SLC23A2: variants seen among roughly 807,000 people sequenced by gnomAD.
SLC23A2 encodes Na(+)/L-ascorbic acid transporter 2.
In SLC23A2, 36 loss-of-function variants were observed where a neutral mutation model predicts 73.3. The ratio of observed to expected loss-of-function variants is 0.49; its 90% CI spans 0.38 to 0.65. The LOEUF (loss-of-function observed/expected upper bound fraction) is 0.65. Ranked by LOEUF, SLC23A2 falls within the 30% of genes least tolerant of loss-of-function variation. The probability of loss-of-function intolerance (pLI) is 0.00; values close to 1 mark genes in which losing one functional copy is unlikely to be tolerated. For missense variants in SLC23A2, 507 were observed against 841.6 expected (o/e 0.60, Z 4.92); for synonymous variants, 343 against 327.3 (o/e 1.05, Z -0.52).
Position 4,874,136 on chromosome 20 carries a change from C to T in SLC23A2, c.946-44G>A, listed in dbSNP as rs763931092. ...AGCTCTGTCAGGCCAGCAGGGCTCA[C>T]AGGTGTTGGCAAAAAACACGTCTTC... On this transcript the variant is annotated intron_variant, in intron 10 of 16. Coordinates refer to ENST00000338244, the MANE Select transcript of SLC23A2 (RefSeq NM_005116.6). The T allele has an allele frequency of 4.4e-6, 7 of 1,582,342 alleles. No homozygotes were observed. The East Asian group carries it at 1.6e-4, about 35-fold the overall frequency.
chr20:4,928,372 A>C (rs1966240108), intron 3 of SLC23A2, among the ~76,000 whole-genome samples: 1 of 152,030 alleles, frequency 6.6e-6, no homozygotes, highest in African/African-American at 2.4e-5. Flanking sequence ...ACTATCCACA[A>C]CCCAAAACTC....
intron 3 of SLC23A2, among the ~76,000 whole-genome samples, chr20:4,915,115 G>C (rs1776970): frequency 0.092 from 13,942 of 151,888 alleles, 784 homozygotes; most frequent in African/African-American, 0.15. Flanking sequence ...AATAAGCCTA[G>C]AATTATCCCA....
At chr20:4,903,367 G>A (rs1050179471) in intron 4 of SLC23A2, among the ~76,000 whole-genome samples, 8 of 152,182 alleles carry the variant, frequency 5.3e-5, no homozygotes, top group East Asian at 3.9e-4. Context: ...AGGTAGCCCC[G>A]AGTTCCCCAG....
At chr20:4,983,572 GGC>G (rs1292299433) in intron 1 of SLC23A2, among the ~76,000 whole-genome samples, 1 of 151,584 alleles carries the variant, frequency 6.6e-6, no homozygotes, top group Non-Finnish European at 1.5e-5. Context: ...TGTGAACCCG[GGC>G]AGCGGAGTTT....
rs1007822391 is a variant in SLC23A2 at position 4,895,617 on chromosome 20, C to T, written c.482+3938G>A. The stretch of plus-strand genomic sequence containing the variant: ...CCTTCTTTCATTTTCACAAAGGAAA[C>T]GGGGCTCGAGGGGTCACTTGTCCAA... On this transcript the variant is annotated intron_variant, in intron 6 of 16. Coordinates refer to ENST00000338244, the MANE Select transcript of SLC23A2 (RefSeq NM_005116.6). Among the ~76,000 whole-genome samples the T allele has an allele frequency of 2.6e-5, 4 of 152,162 alleles. No homozygotes were observed. The East Asian group carries it at 5.8e-4, about 22-fold the overall frequency.
At position 4,862,027 on chromosome 20, in the gene SLC23A2, C is replaced by A; in HGVS notation, c.1545G>T (p.Arg515=). 6.2e-7 allele frequency: 1 copy of A among 1,614,118 alleles called. No individual in the cohort carries two copies. The highest frequency in any genetic ancestry group is 8.5e-7 in the Non-Finnish European group (1 of 1,179,980). Residue 515 remains arginine (R), a synonymous_variant, in exon 15 of 17, where the codon CGG becomes CGT. Coordinates refer to ENST00000338244, the MANE Select transcript of SLC23A2 (RefSeq NM_005116.6). This position sits in a 1 kb window ranked among gnomAD's most constrained non-coding sequence, Gnocchi z 5.1. ...TCGAAAATCCAAGCACAAAGAGGTT[C>A]CGGGAAGAATTTAAATCAATGAACT... ...NLQFIDLNSS[R]NLFVLGFSIF... is the part of the protein sequence containing the mutation.
At chr20:4,927,271 C>A (rs1932706290) in intron 3 of SLC23A2, among the ~76,000 whole-genome samples, 1 of 152,198 alleles carries the variant, frequency 6.6e-6, no homozygotes, top group African/African-American at 2.4e-5. Flanking sequence ...AAAGATAAAA[C>A]CCAGAGCTGC....
chr20:4,859,083 A>T (rs918529626), intron 16 of SLC23A2, among the ~76,000 whole-genome samples: 1 of 152,200 alleles, frequency 6.6e-6, no homozygotes, highest in African/African-American at 2.4e-5. Context: ...AGCACGAGAA[A>T]CAAAATTAAT....
chr20:4,907,928 A>C (rs1270727407), intron 4 of SLC23A2, among the ~76,000 whole-genome samples: 1 of 152,136 alleles, frequency 6.6e-6, no homozygotes, highest in Non-Finnish European at 1.5e-5. Context: ...TAATTTGGCC[A>C]GATGGAAAGG....
intron 1 of SLC23A2, among the ~76,000 whole-genome samples, chr20:4,995,725 C>T (rs186949240): frequency 7.6e-4 from 116 of 152,302 alleles, no homozygotes; most frequent in Non-Finnish European, 8.8e-5. Flanking sequence ...CAAATCCTGA[C>T]TCTACTTGTC....
intron 12 of SLC23A2, 74 bp from the exon 13 acceptor site, chr20:4,867,949 C>A: frequency 2.4e-6 from 2 of 850,298 alleles, no homozygotes; most frequent in South Asian, 2.9e-5. Context: ...AGCCTCTACA[C>A]ATCTACAATC....
At chr20:4,928,745 A>G (rs1234522096) in intron 3 of SLC23A2, among the ~76,000 whole-genome samples, 1 of 152,210 alleles carries the variant, frequency 6.6e-6, no homozygotes, top group Non-Finnish European at 1.5e-5. Context: ...TGTTAAATCA[A>G]CTTTATAATT....
At chr20:4,934,862 A>T (rs943336396) in intron 2 of SLC23A2, among the ~76,000 whole-genome samples, 3 of 130,730 alleles carry the variant, frequency 2.3e-5, no homozygotes, top group African/African-American at 8.1e-5. Context: ...GACTCTGTCT[A>T]AAAAAAAAAA....
chr20:4,960,135 A>T (rs1201378128), intron 2 of SLC23A2, among the ~76,000 whole-genome samples: 1 of 152,224 alleles, frequency 6.6e-6, no homozygotes, highest in Non-Finnish European at 1.5e-5. Flanking sequence ...TGGAAACAAC[A>T]TTCACCTTTA....
intron 2 of SLC23A2, among the ~76,000 whole-genome samples, chr20:4,959,294 C>T (rs918930273): frequency 6.6e-6 from 1 of 151,662 alleles, no homozygotes; most frequent in Non-Finnish European, 1.5e-5. Context: ...CAAGTGCTGA[C>T]AAGTTACTGG....
upstream of SLC23A2, among the ~76,000 whole-genome samples, chr20:5,002,364 T>C (rs1302414471): frequency 6.6e-6 from 1 of 152,242 alleles, no homozygotes; most frequent in Non-Finnish European, 1.5e-5. Flanking sequence ...ACCACACGTA[T>C]TGAGCCACTG....
chr20:4,943,160 G>A (rs1245881586), intron 2 of SLC23A2, among the ~76,000 whole-genome samples: 2 of 151,504 alleles, frequency 1.3e-5, no homozygotes, highest in East Asian at 3.9e-4. Flanking sequence ...GTGTGGAGAA[G>A]ATAGATGTTC....
chr20:4,915,956 A>AAAAAT (rs1477799098), intron 3 of SLC23A2, among the ~76,000 whole-genome samples: 1 of 152,212 alleles, frequency 6.6e-6, no homozygotes, highest in Non-Finnish European at 1.5e-5. Context: ...TCAACAAATA[A>AAAAAT]AAAATAAAAT....
intron 1 of SLC23A2, among the ~76,000 whole-genome samples, chr20:4,992,808 C>T (rs1300975077): frequency 6.6e-6 from 1 of 151,458 alleles, no homozygotes; most frequent in East Asian, 1.9e-4. Context: ...CCGCGCTTGG[C>T]CAACAGACTT....
Sources: allele counts gnomAD v4.1 joint callset (sites outside exome capture counted in the v4.1 genomes callset), GRCh38; gene constraint gnomAD v4.1.1; non-coding constraint Gnocchi (gnomAD v3.1); transcripts MANE v1.5; gene names NCBI Gene and HGNC (gene_info 2026-07-23, HGNC 2026-07-21).